RASSF3: variants seen among roughly 807,000 people sequenced by gnomAD.
RASSF3 encodes ras association domain-containing protein 3.
A neutral mutation model predicts 19.9 loss-of-function variants in RASSF3; 19 were observed. That is an observed-to-expected ratio of 0.96 (90% CI 0.67 to 1.40). The LOEUF is 1.40. Among genes scored for constraint, RASSF3 ranks in the 40% most tolerant of loss-of-function variants. The pLI, the probability that RASSF3 is intolerant of heterozygous loss-of-function variation, is 0.00. For synonymous variants in RASSF3, 110 were observed against 104.2 expected, an observed-to-expected ratio of 1.06 and a Z score of -0.34; for missense variants, 306 against 289.8, an observed-to-expected ratio of 1.06 and a Z score of -0.41.
At chr12:64,594,348 T>C (rs1206959815) in intron 2 of RASSF3, among the ~76,000 whole-genome samples, 1 of 151,552 alleles carries the variant, frequency 6.6e-6, no homozygotes, top group Non-Finnish European at 1.5e-5. Context: ...AAAAAAGGGG[T>C]GGGGTGTGGG....
chr12:64,613,174 T>C (rs1407116841), intron 1 of RASSF3, among the ~76,000 whole-genome samples: 1 of 152,136 alleles, frequency 6.6e-6, no homozygotes. Context: ...ACACTCTTAA[T>C]GTAGAATGTT....
At chr12:64,552,723 T>C (rs958257918) in intron 2 of RASSF3, among the ~76,000 whole-genome samples, 1 of 152,270 alleles carries the variant, frequency 6.6e-6, no homozygotes, top group African/African-American at 2.4e-5. Context: ...TTTATATGGC[T>C]GCATAGTATT....
intron 4 of RASSF3, 76 bp from the exon 5 acceptor site, chr12:64,694,687 G>A: frequency 1.3e-6 from 2 of 1,529,148 alleles, no homozygotes; most frequent in East Asian, 2.3e-5. Context: ...CGCACCTCTG[G>A]GAGCTCCTGG....
intron 2 of RASSF3, among the ~76,000 whole-genome samples, chr12:64,589,110 C>T (rs1424370738): frequency 6.6e-6 from 1 of 152,162 alleles, no homozygotes; most frequent in East Asian, 1.9e-4. Flanking sequence ...GAACAAGAGC[C>T]ACCTGGGAAT....
chr12:64,612,205 C>T (rs1409282579), intron 1 of RASSF3, among the ~76,000 whole-genome samples: 5 of 152,090 alleles, frequency 3.3e-5, no homozygotes, highest in Non-Finnish European at 7.4e-5. Flanking sequence ...TTTGCTTTCT[C>T]TTTCTTGGCC....
rs200016304 is a variant in RASSF3 at position 64,576,928 on chromosome 12, C to T, written c.294+35223C>T. ...ATGATATTATACAAAGTAAAGGAAG[C>T]AGTGGCATGCATGCTATAATAACAA... is the stretch of plus-strand genomic sequence containing the variant. On this transcript the variant is annotated intron_variant, in intron 2 of 5. Coordinates refer to the RASSF3 transcript ENST00000637125. Among the ~76,000 whole-genome samples, 4 of 150,274 alleles carry T rather than the reference C, an allele frequency of 2.7e-5. No homozygotes were observed. The East Asian group carries it at 7.8e-4, about 29-fold the overall frequency.
At chr12:64,530,996 C>T (rs1360807562), upstream of RASSF3, among the ~76,000 whole-genome samples, 1 of 152,112 alleles carries the variant, frequency 6.6e-6, no homozygotes, top group Admixed American at 6.6e-5. Flanking sequence ...TTCAGTCTCT[C>T]GTCTTTTCCT....
intron 2 of RASSF3, among the ~76,000 whole-genome samples, chr12:64,576,953 A>T (rs1428856822): frequency 3.9e-5 from 6 of 152,170 alleles, no homozygotes; most frequent in Non-Finnish European, 7.3e-5. Flanking sequence ...TATAATAACA[A>T]CTATGGAAAA....
chr12:64,654,837 C>G (rs1165358959), intron 1 of RASSF3: 1 of 151,962 alleles, frequency 6.6e-6, no homozygotes, highest in African/African-American at 2.4e-5. Context: ...TGCACTCCAG[C>G]CTGGGTTGAC....
Position 64,610,727 on chromosome 12 carries a change from C to A in RASSF3, c.95C>A (p.Pro32His). Reference sequence around the variant, plus strand: ...TTCAGGAGAGCGCCCCAGGGCAAGCCCCGCTCCGGCCAACAAGTGAGTGGC... The same window carrying A: ...TTCAGGAGAGCGCCCCAGGGCAAGCACCGCTCCGGCCAACAAGTGAGTGGC... ...SFFRRAPQGK[P>H]RSGQQDVEKE... Residue 32 changes from proline (P) to histidine (H), a missense_variant, in exon 1 of 5, where the codon CCC (proline) becomes CAC (histidine). Coordinates refer to ENST00000542104, the MANE Select transcript of RASSF3 (RefSeq NM_178169.4). 6.3e-7 allele frequency: 1 copy of A among 1,589,050 alleles called. No individual in the cohort carries two copies. Among genetic ancestry groups the A allele is most frequent in the South Asian group, 1.1e-5 (1 of 88,806 alleles).
At chr12:64,513,561 T>C (rs1213788638) in intron 1 of RASSF3, among the ~76,000 whole-genome samples, 1 of 151,990 alleles carries the variant, frequency 6.6e-6, no homozygotes, top group Admixed American at 6.6e-5. Context: ...CAAAGGAGAT[T>C]GTGATCAGCA....
chr12:64,691,533 G>T lies in RASSF3; in HGVS notation c.521G>T (p.Arg174Ile), dbSNP rs773689072. The T allele has an allele frequency of 6.2e-7, 1 of 1,614,092 alleles. No individual in the cohort carries two copies. The highest frequency in any genetic ancestry group is 8.5e-7 in the Non-Finnish European group (1 of 1,179,912). Reference protein sequence around the residue: ...PLYLRLVAGPRTDTLSFVLRE... With the variant: ...PLYLRLVAGPITDTLSFVLRE... ...TACCTGCGTTTGGTAGCAGGGCCCAGAACAGACACACTTAGTTTTGTTCTT... is the reference window on the plus strand; with the variant it reads ...TACCTGCGTTTGGTAGCAGGGCCCATAACAGACACACTTAGTTTTGTTCTT... The change falls in exon 4 of 5, where the codon AGA becomes ATA. Residue 174 changes from arginine to isoleucine, a missense_variant. Transcript: ENST00000542104.
chr12:64,615,568 T>C (rs1870525307), intron 1 of RASSF3, among the ~76,000 whole-genome samples: 1 of 152,222 alleles, frequency 6.6e-6, no homozygotes, highest in Admixed American at 6.5e-5. Context: ...TCAACAGTAA[T>C]GAGCTGCACT....
intron 1 of RASSF3, among the ~76,000 whole-genome samples, chr12:64,672,537 T>C (rs1200440675): frequency 6.6e-6 from 1 of 152,098 alleles, no homozygotes; most frequent in African/African-American, 2.4e-5. Context: ...ATTATTTATT[T>C]TTGAGAGATA....
intron 1 of RASSF3, among the ~76,000 whole-genome samples, chr12:64,519,766 T>A (rs1868429561): frequency 6.6e-6 from 1 of 152,076 alleles, no homozygotes; most frequent in African/African-American, 2.4e-5. Flanking sequence ...CATATCTCAA[T>A]AAAGTGTTTA....
At chr12:64,599,301 A>T (rs1046163912) in intron 2 of RASSF3, 5 of 152,196 alleles carry the variant, frequency 3.3e-5, no homozygotes, top group African/African-American at 1.2e-4. Context: ...CCCTACCTGT[A>T]TTCAAACTAA....
At chr12:64,557,476 A>G (rs1565838753) in intron 2 of RASSF3, among the ~76,000 whole-genome samples, 1 of 152,138 alleles carries the variant, frequency 6.6e-6, no homozygotes, top group Non-Finnish European at 1.5e-5. Flanking sequence ...AGGAGTTCAT[A>G]GTACCCTGGC....
At chr12:64,532,081 C>T (rs1298265720), upstream of RASSF3, among the ~76,000 whole-genome samples, 1 of 152,152 alleles carries the variant, frequency 6.6e-6, no homozygotes, top group Non-Finnish European at 1.5e-5. Context: ...GGACAGCTAC[C>T]CGCAGATTTC....
intron 1 of RASSF3, among the ~76,000 whole-genome samples, chr12:64,510,244 A>G (rs990680150): frequency 6.6e-6 from 1 of 152,156 alleles, no homozygotes; most frequent in Admixed American, 6.6e-5. Flanking sequence ...TGGGCAGTCA[A>G]TAACTATTTG....
Sources: gnomAD v4.1 joint callset for allele counts (sites outside exome capture counted in the v4.1 genomes callset) on GRCh38, gnomAD v4.1.1 for gene constraint, MANE v1.5 for transcripts, NCBI Gene and HGNC (gene_info 2026-07-23, HGNC 2026-07-21) for gene names.